Variants in ADCY8 observed in about 807,000 individuals in gnomAD.
ADCY8 encodes adenylate cyclase 8.
In ADCY8, 51 loss-of-function variants were observed where a neutral mutation model predicts 119.7. The ratio of observed to expected loss-of-function variants is 0.43; its 90% CI spans 0.34 to 0.54. The LOEUF is 0.54. ADCY8 is among the 20% of genes least tolerant of loss of function. The pLI, the probability that ADCY8 is intolerant of heterozygous loss-of-function variation, is 0.03. For missense variants in ADCY8, 1,383 were observed against 1,598.8 expected, an observed-to-expected ratio of 0.87 and a Z score of 2.30; for synonymous variants, 665 against 651.0, an observed-to-expected ratio of 1.02 and a Z score of -0.33.
intron 12 of ADCY8, among the ~76,000 whole-genome samples, chr8:130,834,653 A>G (rs916077348): frequency 7.9e-5 from 12 of 152,224 alleles, no homozygotes; most frequent in Admixed American, 3.3e-4. Context: ...ACATATTTTG[A>G]TGTTTGTGTT....
intron 9 of ADCY8, among the ~76,000 whole-genome samples, chr8:130,851,015 G>A (rs1817508696): frequency 6.6e-6 from 1 of 152,098 alleles, no homozygotes; most frequent in Non-Finnish European, 1.5e-5. Flanking sequence ...CATACAGTTG[G>A]TCAGTGTTAG....
chr8:130,988,316 G>A (rs567522519), intron 2 of ADCY8, among the ~76,000 whole-genome samples: 1 of 152,244 alleles, frequency 6.6e-6, no homozygotes, highest in East Asian at 1.9e-4. Flanking sequence ...AATAAAGGGT[G>A]GTCAACATGC....
rs139039084 is a variant in ADCY8, at chr8:130,946,862, C to G, written c.1242-3400G>C. 3.0e-3 allele frequency among the ~76,000 whole-genome samples: 464 copies of G among 152,348 alleles called. 2 individuals carry two copies. Among genetic ancestry groups the G allele is most frequent in the African/African-American group, 0.011 (440 of 41,582 alleles). ...CCCACTGTACCACAATCTGCTTTAA[C>G]TGAGCCGTAGATGATTTGTGTGCAC... is the stretch of plus-strand genomic sequence containing the variant. On this transcript the variant is annotated intron_variant, in intron 3 of 17. Coordinates refer to ENST00000286355, the MANE Select transcript of ADCY8 (RefSeq NM_001115.3).
chr8:130,782,295 A>G (rs1429998913), intron 17 of ADCY8, among the ~76,000 whole-genome samples: 1 of 152,232 alleles, frequency 6.6e-6, no homozygotes, highest in Non-Finnish European at 1.5e-5. Flanking sequence ...TTTGCAGAGA[A>G]CTTTGACAGC....
intron 6 of ADCY8, among the ~76,000 whole-genome samples, chr8:130,908,818 G>C (rs142987510): frequency 6.6e-6 from 1 of 152,164 alleles, no homozygotes; most frequent in Non-Finnish European, 1.5e-5. Context: ...GCAAGGGGCA[G>C]AGTGGGAATC....
intron 11 of ADCY8, among the ~76,000 whole-genome samples, chr8:130,836,717 C>T (rs1161033336): frequency 2.0e-5 from 3 of 152,090 alleles, no homozygotes; most frequent in Non-Finnish European, 4.4e-5. Flanking sequence ...ACAGGCCATC[C>T]TAAGTTGGTA....
chr8:130,967,126 G>A (rs541313388), intron 2 of ADCY8, among the ~76,000 whole-genome samples: 1 of 152,316 alleles, frequency 6.6e-6, no homozygotes, highest in African/African-American at 2.4e-5. Context: ...ATATATTAAA[G>A]GGTTTTTTAT....
In ADCY8 at chr8:130,821,414, G is replaced by A. The variant is rs765096807; in HGVS notation, c.2682C>T (p.Phe894=). 14 of 1,612,774 alleles carry A rather than the reference G, an allele frequency of 8.7e-6. No homozygotes were observed. The highest frequency in any genetic ancestry group is 1.3e-5 in the African/African-American group (1 of 74,896). Residue 894 remains phenylalanine (F), a synonymous_variant, in exon 13 of 18, where the codon TTC becomes TTT. Transcript: ENST00000286355. ...GCAGTGATACCTCCTTGGTCCCCAG[G>A]AAATCTCTGTTGGAAGAAAAAAGGA... The part of the protein sequence containing the change: ...YDNLNHSGED[F]LGTKEVSLLL...
At chr8:130,784,228 GTGTGTATA>G (rs1192449397) in intron 16 of ADCY8, among the ~76,000 whole-genome samples, 1 of 141,958 alleles carries the variant, frequency 7.0e-6, no homozygotes, top group Non-Finnish European at 1.5e-5. Flanking sequence ...ATGGGTATGT[GTGTGTATA>G]TGTGCTCTTA....
chr8:130,849,477 G>C (rs1817442833), intron 10 of ADCY8, 125 bp downstream of exon 10: 1 of 959,968 alleles, frequency 1.0e-6, no homozygotes. Context: ...TAAGCTTGGG[G>C]CTGGACCAGG....
chr8:130,987,853 C>A (rs1257166621), intron 2 of ADCY8, among the ~76,000 whole-genome samples: 1 of 152,122 alleles, frequency 6.6e-6, no homozygotes, highest in Non-Finnish European at 1.5e-5. Context: ...ATATAAATAA[C>A]CCTAAGTTAT....
chr8:130,889,436 A>C (rs1051117987), intron 7 of ADCY8, among the ~76,000 whole-genome samples: 1 of 152,162 alleles, frequency 6.6e-6, no homozygotes. Flanking sequence ...TAAACTCTGC[A>C]TCTTCCAAAC....
chr8:130,994,073 A>T (rs897911422), intron 1 of ADCY8, among the ~76,000 whole-genome samples: 2 of 152,244 alleles, frequency 1.3e-5, no homozygotes, highest in African/African-American at 4.8e-5. Flanking sequence ...TTTGATACCC[A>T]TCACGTAGAG....
rs1009391485 is a variant in ADCY8, at chr8:130,814,169, T to C, written c.2813A>G (p.Asn938Ser). The change falls in exon 14 of 18, where the codon AAT becomes AGT. Residue 938 changes from asparagine (N) to serine (S), a missense_variant. Transcript: ENST00000286355. ...GTGTTCCCTCAGCTCCTTCATCTCA[T>C]TGATCTCCTCTTTGGCCTGTACTCG... is the stretch of plus-strand genomic sequence containing the variant. ...LWRVQAKEEI[N>S]EMKELREHNE... is the part of the protein sequence containing the mutation. The C allele has an allele frequency of 2.5e-6, 4 of 1,613,988 alleles. No homozygotes were observed. Among genetic ancestry groups the C allele is most frequent in the South Asian group, 2.2e-5 (2 of 91,072 alleles).
intron 1 of ADCY8, among the ~76,000 whole-genome samples, chr8:130,997,200 T>C (rs989319180): frequency 6.6e-6 from 1 of 151,938 alleles, no homozygotes; most frequent in Non-Finnish European, 1.5e-5. Flanking sequence ...AAATTCAATG[T>C]GATTCTAATG....
At chr8:130,785,358 T>C (rs1815218204) in intron 16 of ADCY8, 25 bp downstream of exon 16, 27 of 1,554,748 alleles carry the variant, frequency 1.7e-5, no homozygotes, top group Non-Finnish European at 2.3e-5. Flanking sequence ...CCATGCATTG[T>C]GGCTGAGTCC....
At chr8:130,994,121 G>A (rs1822690236) in intron 1 of ADCY8, among the ~76,000 whole-genome samples, 1 of 152,210 alleles carries the variant, frequency 6.6e-6, no homozygotes, top group South Asian at 2.1e-4. Flanking sequence ...AATTGTGTAA[G>A]CTGAACTAAT....
At position 130,791,219 on chromosome 8, in the gene ADCY8, G is replaced by A. The variant is rs562413315; in HGVS notation, c.3061-5744C>T. On this transcript the variant is annotated intron_variant, in intron 15 of 17. Transcript: ENST00000286355. The stretch of plus-strand genomic sequence containing the variant: ...GTATGCCAATGGGAAAGATCTAGCA[G>A]AGAGGGTGATGGGTGGAGTCAGGGA... Among the ~76,000 whole-genome samples, 8 of 152,376 alleles carry A rather than the reference G, an allele frequency of 5.3e-5. No homozygotes were observed. In the South Asian group the frequency reaches 1.4e-3, roughly 28 times the overall value.
intron 14 of ADCY8, among the ~76,000 whole-genome samples, chr8:130,802,541 C>T (rs1815814256): frequency 6.6e-6 from 1 of 152,170 alleles, no homozygotes; most frequent in Non-Finnish European, 1.5e-5. Flanking sequence ...CCATTGCCCT[C>T]AGGATAAAGC....
Sources: allele counts gnomAD v4.1 joint callset (sites outside exome capture counted in the v4.1 genomes callset), GRCh38; gene constraint gnomAD v4.1.1; transcripts MANE v1.5; gene names NCBI Gene and HGNC (gene_info 2026-07-23, HGNC 2026-07-21).